CASZ1: variants seen among roughly 807,000 people sequenced by gnomAD.
CASZ1 encodes the protein zinc finger protein castor homolog 1.
In CASZ1, 28 loss-of-function variants were observed where a neutral mutation model predicts 135.2. The ratio of observed to expected loss-of-function variants is 0.21; its 90% CI spans 0.15 to 0.28. The LOEUF is 0.28. Ranked by LOEUF, CASZ1 falls within the 10% of genes least tolerant of loss-of-function variation. CASZ1 has a pLI of 1.00. For synonymous variants in CASZ1, 1,068 were observed against 1,073.4 expected (o/e 0.99, Z 0.10); for missense variants, 2,161 against 2,453.3 (o/e 0.88, Z 2.52).
At chr1:10,698,774 C>T (rs1308068976) in intron 3 of CASZ1, among the ~76,000 whole-genome samples, 2 of 152,206 alleles carry the variant, frequency 1.3e-5, no homozygotes, top group African/African-American at 2.4e-5. Flanking sequence ...CCAAACTGGC[C>T]TTCCTCTCGT....
intron 12 of CASZ1, 92 bp from the exon 13 acceptor site, chr1:10,650,847 G>C (rs564355451): frequency 6.2e-7 from 1 of 1,601,684 alleles, no homozygotes; most frequent in Non-Finnish European, 8.5e-7. Context: ...GGCTCCAGCC[G>C]AGCCCGCTGC....
At chr1:10,661,370 C>A (rs950830729) in intron 5 of CASZ1, 4 of 152,190 alleles carry the variant, frequency 2.6e-5, no homozygotes, top group Non-Finnish European at 5.9e-5. Context: ...CCCACAGTGA[C>A]ATACACACAC....
At chr1:10,733,584 A>G (rs1639742367) in intron 2 of CASZ1, among the ~76,000 whole-genome samples, 1 of 152,212 alleles carries the variant, frequency 6.6e-6, no homozygotes, top group Admixed American at 6.5e-5. Context: ...TTACCGGGCA[A>G]CTATAACTCA....
rs1270982204 is a variant in CASZ1, at chr1:10,679,581, C to T, written c.17-14010G>A. The stretch of plus-strand genomic sequence containing the variant: ...CCCATACCATAGTCCTGGTTCCCAG[C>T]CTGCAACAGCTGCACCTCCACCCCC... On this transcript the variant is annotated intron_variant, in intron 4 of 20. Coordinates refer to ENST00000377022, the MANE Select transcript of CASZ1 (RefSeq NM_001079843.3). The surrounding 1 kb of genome is among the most constrained non-coding windows in gnomAD (Gnocchi z 4.7). 6.6e-6 allele frequency among the ~76,000 whole-genome samples: 1 copy of T among 152,316 alleles called. No homozygotes were observed. The highest frequency in any genetic ancestry group is 2.4e-5 in the African/African-American group (1 of 41,566).
At position 10,651,094 on chromosome 1, in the gene CASZ1, G is replaced by T. The variant is rs1642564681; in HGVS notation, c.2681-18C>A. 3 of 1,487,980 alleles carry T rather than the reference G, an allele frequency of 2.0e-6. No homozygotes were observed. The highest frequency in any genetic ancestry group is 2.4e-5 in the East Asian group (1 of 42,034). The allele number at this position is 1,487,980 out of a possible 1,614,324, so 92.2% of individuals were successfully genotyped here. On this transcript the variant is annotated intron_variant, in intron 11 of 20. Coordinates refer to ENST00000377022, the MANE Select transcript of CASZ1 (RefSeq NM_001079843.3). ...CCCGCTTCCTGCAGGGGAGGGGTGG[G>T]AAGATGCGTCAGAGGGGCTGAAGGC...
At chr1:10,753,083 A>G (rs1640179530) in intron 2 of CASZ1, among the ~76,000 whole-genome samples, 1 of 152,276 alleles carries the variant, frequency 6.6e-6, no homozygotes, top group South Asian at 2.1e-4. Flanking sequence ...TACTATTTTC[A>G]TATAAGTATG....
chr1:10,745,686 A>T (rs1016533501), intron 2 of CASZ1, among the ~76,000 whole-genome samples: 2 of 152,208 alleles, frequency 1.3e-5, no homozygotes, highest in Non-Finnish European at 1.5e-5. Flanking sequence ...GGAAGATCAG[A>T]CGACCTGGGT....
intron 1 of CASZ1, among the ~76,000 whole-genome samples, chr1:10,781,237 C>T (rs773162998): frequency 5.1e-4 from 77 of 152,174 alleles, no homozygotes; most frequent in Non-Finnish European, 8.2e-4. Flanking sequence ...CCAGCCCCTC[C>T]AGGCAGCACA....
At chr1:10,782,046 T>C (rs971713331) in intron 1 of CASZ1, among the ~76,000 whole-genome samples, 5 of 152,176 alleles carry the variant, frequency 3.3e-5, no homozygotes, top group Admixed American at 2.0e-4. Flanking sequence ...CAGGAGCAGG[T>C]TGTAATTCTG....
chr1:10,749,675 C>T (rs1453788612), intron 2 of CASZ1, among the ~76,000 whole-genome samples: 1 of 152,142 alleles, frequency 6.6e-6, no homozygotes, highest in Non-Finnish European at 1.5e-5. Context: ...TAAGTGGGGC[C>T]TCTTAATCTA....
intron 6 of CASZ1, among the ~76,000 whole-genome samples, chr1:10,659,438 C>G (rs1228198651): frequency 6.6e-6 from 1 of 152,120 alleles, no homozygotes; most frequent in Non-Finnish European, 1.5e-5. Context: ...GGTGCACGCG[C>G]AGGTCCAGGA....
intron 13 of CASZ1, 36 bp from the exon 14 acceptor site, chr1:10,649,473 A>G: frequency 6.4e-7 from 1 of 1,572,106 alleles, no homozygotes; most frequent in Non-Finnish European, 8.7e-7. Flanking sequence ...GGGCTGGGGT[A>G]GCTTAGAACA....
At chr1:10,660,696 G>A (rs982902386) in intron 5 of CASZ1, 160 bp from the exon 6 acceptor site, 3 of 587,246 alleles carry the variant, frequency 5.1e-6, no homozygotes, top group African/African-American at 1.9e-5. Flanking sequence ...TAGGTTTTAC[G>A]ACTCTTAAAT....
At chr1:10,656,833 A>G (rs1165950708) in intron 7 of CASZ1, 97 bp from the exon 8 acceptor site, 2 of 768,898 alleles carry the variant, frequency 2.6e-6, no homozygotes, top group Non-Finnish European at 2.2e-6. Flanking sequence ...CGGGCCCTGT[A>G]TGGGATGCAG....
chr1:10,651,327 G>T (rs1642575771), intron 11 of CASZ1: 1 of 261,164 alleles, frequency 3.8e-6, no homozygotes, highest in African/African-American at 2.2e-5. Context: ...CGGGAGGCTG[G>T]GGAGGGGGCT....
chr1:10,738,519 A>T (rs1639844728), intron 2 of CASZ1, among the ~76,000 whole-genome samples: 1 of 152,372 alleles, frequency 6.6e-6, no homozygotes, highest in South Asian at 2.1e-4. Context: ...CACTGCCAGG[A>T]TAGGCCAGGT....
chr1:10,770,931 G>T (rs1055456138), intron 1 of CASZ1, among the ~76,000 whole-genome samples: 4 of 152,326 alleles, frequency 2.6e-5, no homozygotes, highest in East Asian at 1.9e-4. Flanking sequence ...CCCCAGTCCC[G>T]CTGTCTGCCA....
intron 5 of CASZ1, among the ~76,000 whole-genome samples, chr1:10,663,428 G>A (rs537017326): frequency 6.0e-4 from 91 of 152,330 alleles, no homozygotes; most frequent in Non-Finnish European, 1.1e-3. Flanking sequence ...CCCCTGGGGC[G>A]GGGCTGGCGG....
chr1:10,646,414 C>T lies in CASZ1; in HGVS notation c.3498-88G>A, dbSNP rs1642365093. The T allele has an allele frequency of 1.6e-6, 2 of 1,274,060 alleles. No homozygotes were observed. The highest frequency in any genetic ancestry group is 1.3e-5 in the South Asian group (1 of 77,668). 78.9% of individuals were successfully genotyped at this position (1,274,060 alleles called of 1,614,324 possible). On this transcript the variant is annotated intron_variant, in intron 16 of 20. Transcript: ENST00000377022. The surrounding 1 kb of genome is among the most constrained non-coding windows in gnomAD (Gnocchi z 6.4). ...GACTTCACTTGTGTTGGAGTTCACT[C>T]CCCCACGACCAGCGGTACCACCAAG...
Sources: allele counts gnomAD v4.1 joint callset (sites outside exome capture counted in the v4.1 genomes callset), GRCh38; gene constraint gnomAD v4.1.1; non-coding constraint Gnocchi (gnomAD v3.1); transcripts MANE v1.5; gene names NCBI Gene and HGNC (gene_info 2026-07-23, HGNC 2026-07-21).